PIAS2: variants seen among roughly 807,000 people sequenced by gnomAD.
The protein encoded by PIAS2 is E3 SUMO-protein ligase PIAS2.
Under a neutral mutation model 69.7 loss-of-function variants are expected in PIAS2, and 19 were observed. That is an observed-to-expected ratio of 0.27 (90% CI 0.19 to 0.40). The LOEUF is 0.40. PIAS2 is among the 10% of genes least tolerant of loss of function. PIAS2 has a pLI of 1.00. For missense variants in PIAS2, 624 were observed against 757.0 expected, an observed-to-expected ratio of 0.82 and a Z score of 2.06; for synonymous variants, 261 against 263.2, an observed-to-expected ratio of 0.99 and a Z score of 0.08.
At chr18:46,854,314 T>G (rs761271189) in intron 5 of PIAS2, among the ~76,000 whole-genome samples, 13 of 152,196 alleles carry the variant, frequency 8.5e-5, no homozygotes, top group Non-Finnish European at 1.6e-4. Flanking sequence ...AGCAGGGATA[T>G]TACACAGCTT....
intron 3 of PIAS2, among the ~76,000 whole-genome samples, chr18:46,862,775 G>A (rs1377310628): frequency 1.3e-5 from 2 of 151,826 alleles, no homozygotes; most frequent in Non-Finnish European, 2.9e-5. Flanking sequence ...GTGCGATCTC[G>A]GCTCACTGCA....
At chr18:46,900,378 A>T (rs906862817) in intron 1 of PIAS2, among the ~76,000 whole-genome samples, 2 of 150,980 alleles carry the variant, frequency 1.3e-5, no homozygotes, top group African/African-American at 2.4e-5. Flanking sequence ...AAAAAAAAAG[A>T]TAATATAGGC....
At chr18:46,885,620 G>T (rs529524740) in intron 2 of PIAS2, among the ~76,000 whole-genome samples, 28 of 151,698 alleles carry the variant, frequency 1.8e-4, no homozygotes, top group African/African-American at 6.5e-4. Context: ...TGACATTTTT[G>T]ACCTCATGTC....
intron 5 of PIAS2, among the ~76,000 whole-genome samples, chr18:46,851,244 C>CA (rs1278691471): frequency 2.6e-5 from 4 of 152,134 alleles, no homozygotes; most frequent in Non-Finnish European, 4.4e-5. Flanking sequence ...CTGGCTGCAC[C>CA]AAAGGAACTA....
chr18:46,917,634 G>A, upstream of PIAS2: 1 of 829,494 alleles, frequency 1.2e-6, no homozygotes, highest in Non-Finnish European at 1.5e-6. Flanking sequence ...GCCCGCGCCT[G>A]CCCCGGCGTG....
intron 12 of PIAS2, chr18:46,816,792 T>A (rs2041602373): frequency 1.0e-6 from 1 of 984,852 alleles, no homozygotes; most frequent in South Asian, 4.7e-5. Flanking sequence ...ATTTCATATG[T>A]CTGTCACTAG....
chr18:46,843,686 C>T (rs1568470891), intron 8 of PIAS2, among the ~76,000 whole-genome samples: 1 of 152,182 alleles, frequency 6.6e-6, no homozygotes, highest in Admixed American at 6.5e-5. Flanking sequence ...CATCCTAACT[C>T]ACTAAACTAA....
At chr18:46,858,393 G>C (rs1419442473) in intron 3 of PIAS2, among the ~76,000 whole-genome samples, 2 of 152,142 alleles carry the variant, frequency 1.3e-5, no homozygotes, top group Non-Finnish European at 2.9e-5. Context: ...ATAATTAGGA[G>C]ACCATTACAA....
At chr18:46,884,347 C>CT (rs1402395534) in intron 2 of PIAS2, among the ~76,000 whole-genome samples, 4 of 151,888 alleles carry the variant, frequency 2.6e-5, no homozygotes, top group African/African-American at 9.7e-5. Flanking sequence ...GAGTCTCACT[C>CT]TGTCACCCAG....
chr18:46,910,610 T>C (rs563702464), intron 1 of PIAS2, among the ~76,000 whole-genome samples: 2 of 152,256 alleles, frequency 1.3e-5, no homozygotes, highest in East Asian at 1.9e-4. Context: ...AGAACTCTTA[T>C]AAATTAAAGA....
intron 2 of PIAS2, among the ~76,000 whole-genome samples, chr18:46,886,824 C>T (rs2145932006): frequency 6.6e-6 from 1 of 151,810 alleles, no homozygotes; most frequent in South Asian, 2.1e-4. Context: ...GGCGACAGAA[C>T]AAGACTCTGT....
At chr18:46,882,946 G>A (rs1432539781) in intron 2 of PIAS2, among the ~76,000 whole-genome samples, 1 of 151,876 alleles carries the variant, frequency 6.6e-6, no homozygotes, top group Non-Finnish European at 1.5e-5. Context: ...ACAAAAATTA[G>A]CCAGGCCTGG....
intron 1 of PIAS2, among the ~76,000 whole-genome samples, chr18:46,908,341 G>T (rs548942384): frequency 6.6e-6 from 1 of 152,174 alleles, no homozygotes; most frequent in South Asian, 2.1e-4. Context: ...AACAATTTCT[G>T]TAAAAACAGA....
At chr18:46,851,879 C>T (rs1158695523) in intron 5 of PIAS2, among the ~76,000 whole-genome samples, 2 of 152,194 alleles carry the variant, frequency 1.3e-5, no homozygotes, top group East Asian at 1.9e-4. Flanking sequence ...TTCCAGGACA[C>T]AGACAAATGC....
At chr18:46,832,892 CAA>C (rs34958166) in intron 9 of PIAS2, among the ~76,000 whole-genome samples, 16 of 105,954 alleles carry the variant, frequency 1.5e-4, no homozygotes, top group Admixed American at 5.2e-4. Context: ...CCTCTGTCTC[CAA>C]AAAAAAAAAA....
chr18:46,879,142 T>A (rs2051750562), intron 2 of PIAS2, among the ~76,000 whole-genome samples: 1 of 152,180 alleles, frequency 6.6e-6, no homozygotes, highest in Non-Finnish European at 1.5e-5. Flanking sequence ...CTAAAGAATG[T>A]CTTCTCCCAC....
At chr18:46,909,607 ACTT>A (rs2057026847) in intron 1 of PIAS2, among the ~76,000 whole-genome samples, 1 of 152,136 alleles carries the variant, frequency 6.6e-6, no homozygotes, top group Non-Finnish European at 1.5e-5. Context: ...AGTAATGAAA[ACTT>A]CTGCATTGCT....
chr18:46,834,332 T>A (rs1312980701), intron 9 of PIAS2, among the ~76,000 whole-genome samples: 1 of 151,808 alleles, frequency 6.6e-6, no homozygotes, highest in Non-Finnish European at 1.5e-5. Context: ...TAAATACAAA[T>A]AAAAGGGAAA....
chr18:46,906,260 GGAA>G (rs1568878177), intron 1 of PIAS2: 1 of 151,668 alleles, frequency 6.6e-6, no homozygotes, highest in African/African-American at 2.4e-5. Context: ...TTTAAAATCA[GGAA>G]CAAGATCAGG....
Sources: allele counts gnomAD v4.1 joint callset (sites outside exome capture counted in the v4.1 genomes callset), GRCh38; gene constraint gnomAD v4.1.1; transcripts MANE v1.5; gene names NCBI Gene and HGNC (gene_info 2026-07-23, HGNC 2026-07-21).